The following LRRC3B variants were observed in gnomAD, a reference collection of about 807,000 sequenced individuals.
LRRC3B encodes the protein leucine-rich repeat-containing protein 3B.
LRRC3B carries 2 observed loss-of-function variants against 12.8 expected under a neutral mutation model. That is an observed-to-expected ratio of 0.16 (90% CI 0.06 to 0.49). LRRC3B has a LOEUF of 0.49. Among genes scored for constraint, LRRC3B ranks in the 20% least tolerant of loss-of-function variants. The pLI, the probability that LRRC3B is intolerant of heterozygous loss-of-function variation, is 0.96. For synonymous variants in LRRC3B, 132 were observed against 122.0 expected, an observed-to-expected ratio of 1.08 and a Z score of -0.54; for missense variants, 189 against 319.4, an observed-to-expected ratio of 0.59 and a Z score of 3.11.
intron 1 of LRRC3B, among the ~76,000 whole-genome samples, chr3:26,679,649 T>C (rs1344419976): frequency 6.6e-6 from 1 of 152,220 alleles, no homozygotes; most frequent in Non-Finnish European, 1.5e-5. Context: ...TTCTGCTTTG[T>C]TGTTATTCCG....
chr3:26,708,602 A>G (rs1190545258), intron 1 of LRRC3B, among the ~76,000 whole-genome samples: 1 of 152,118 alleles, frequency 6.6e-6, no homozygotes, highest in Non-Finnish European at 1.5e-5. Flanking sequence ...GGTAATTTTG[A>G]GAGTTAACTT....
chr3:26,672,938 TCTC>T (rs1354964498), intron 1 of LRRC3B, among the ~76,000 whole-genome samples: 21 of 152,306 alleles, frequency 1.4e-4, no homozygotes, highest in Admixed American at 5.2e-4. Flanking sequence ...GAACAGCACT[TCTC>T]CTTCAAAATG....
At chr3:26,648,501 C>G (rs1248608382) in intron 1 of LRRC3B, among the ~76,000 whole-genome samples, 1 of 151,976 alleles carries the variant, frequency 6.6e-6, no homozygotes, top group Admixed American at 6.6e-5. Context: ...AAATCCTGAA[C>G]CTGGTAGAAA....
intron 1 of LRRC3B, among the ~76,000 whole-genome samples, chr3:26,677,711 A>G (rs1699888858): frequency 6.6e-6 from 1 of 152,260 alleles, no homozygotes; most frequent in African/African-American, 2.4e-5. Flanking sequence ...AAACACATGT[A>G]TACATATAAC....
chr3:26,659,619 T>G (rs186413883), intron 1 of LRRC3B, among the ~76,000 whole-genome samples: 72 of 152,338 alleles, frequency 4.7e-4, no homozygotes, highest in African/African-American at 1.7e-3. Flanking sequence ...TAGTCTCTAT[T>G]TCTATATTTT....
At chr3:26,642,059 G>A (rs1434576091) in intron 1 of LRRC3B, among the ~76,000 whole-genome samples, 1 of 152,176 alleles carries the variant, frequency 6.6e-6, no homozygotes, top group African/African-American at 2.4e-5. Flanking sequence ...TTCCTGAGAA[G>A]AGTGGTATTA....
At chr3:26,699,920 G>A (rs1335065461) in intron 1 of LRRC3B, among the ~76,000 whole-genome samples, 1 of 152,128 alleles carries the variant, frequency 6.6e-6, no homozygotes, top group African/African-American at 2.4e-5. Context: ...TCCACAGAGG[G>A]ATAAATGCTG....
intron 1 of LRRC3B, among the ~76,000 whole-genome samples, chr3:26,686,378 C>A (rs1398232431): frequency 6.6e-6 from 1 of 152,130 alleles, no homozygotes; most frequent in Non-Finnish European, 1.5e-5. Flanking sequence ...CGCGCCCGGC[C>A]GGTAAATGGT....
chr3:26,640,963 A>G (rs1032274538), intron 1 of LRRC3B, among the ~76,000 whole-genome samples: 2 of 152,236 alleles, frequency 1.3e-5, no homozygotes, highest in African/African-American at 2.4e-5. Flanking sequence ...TATGAATGAC[A>G]TAGAATAATA....
chr3:26,627,163 A>T (rs1575107329), intron 1 of LRRC3B, among the ~76,000 whole-genome samples: 1 of 152,108 alleles, frequency 6.6e-6, no homozygotes, highest in East Asian at 1.9e-4. Context: ...TCACTTGAGG[A>T]TTTCATATAC....
At chr3:26,659,775 A>G (rs928908339) in intron 1 of LRRC3B, among the ~76,000 whole-genome samples, 1 of 152,362 alleles carries the variant, frequency 6.6e-6, no homozygotes, top group South Asian at 2.1e-4. Flanking sequence ...TGGAAGATCC[A>G]TCAGCTGATT....
intron 1 of LRRC3B, among the ~76,000 whole-genome samples, chr3:26,662,316 G>A (rs996165897): frequency 6.6e-6 from 1 of 152,028 alleles, no homozygotes; most frequent in Non-Finnish European, 1.5e-5. Context: ...AAATATTCTT[G>A]TTTGCTAGGA....
At chr3:26,682,541 G>A (rs1391698763) in intron 1 of LRRC3B, among the ~76,000 whole-genome samples, 1 of 152,074 alleles carries the variant, frequency 6.6e-6, no homozygotes, top group Non-Finnish European at 1.5e-5. Flanking sequence ...CTTTGTTCCT[G>A]GTGGGAAGAT....
chr3:26,630,152 A>G (rs181588616), intron 1 of LRRC3B, among the ~76,000 whole-genome samples: 4 of 152,332 alleles, frequency 2.6e-5, no homozygotes, highest in Admixed American at 2.6e-4. Flanking sequence ...AAGAGGGCTT[A>G]TAAGGAAGAG....
chr3:26,626,057 C>G (rs1698617695), intron 1 of LRRC3B, among the ~76,000 whole-genome samples: 1 of 152,220 alleles, frequency 6.6e-6, no homozygotes, highest in African/African-American at 2.4e-5. Context: ...AGGCCCCTCA[C>G]CCTTTACTCC....
rs578177129 is a variant in LRRC3B at position 26,670,184 on chromosome 3, G to A, written c.-160-39329G>A. On this transcript the variant is annotated intron_variant, in intron 1 of 1. Coordinates refer to ENST00000396641, the Ensembl canonical transcript of LRRC3B. ...GAAGAAATGAGGGTGATTTAGGAAA[G>A]GATGTGCATTTCTTGGTAGATGCTC... Among the ~76,000 whole-genome samples the A allele has an allele frequency of 6.6e-5, 10 of 152,268 alleles. No homozygotes were observed. In the South Asian group the frequency reaches 1.9e-3, roughly 28 times the overall value.
chr3:26,630,280 A>G (rs954844477), intron 1 of LRRC3B, among the ~76,000 whole-genome samples: 2 of 152,164 alleles, frequency 1.3e-5, no homozygotes, highest in Middle Eastern at 3.2e-3. Context: ...GGCTTTATCA[A>G]TCTCCAGGCC....
rs1553601398 is a variant in LRRC3B at position 26,636,950 on chromosome 3, CTT to C, written c.-161+13715_-161+13716del. Among the ~76,000 whole-genome samples the C allele has an allele frequency of 1.3e-4, 16 of 122,942 alleles. No homozygotes were observed. The East Asian group carries it at 3.5e-3, about 27-fold the overall frequency. 80.7% of individuals were successfully genotyped at this position (122,942 alleles called of 152,430 possible). A position where few individuals can be genotyped will look rare whatever the true frequency, so the allele number is the denominator to read the frequency against. Reference sequence around the variant, plus strand: ...TCTTTCTTTCTTTCTTTCTTTCTTTCTTTCTTTCTTTCTTTCTTTCTTTCTCT... The same window carrying C: ...TCTTTCTTTCTTTCTTTCTTTCTTTCTCTTTCTTTCTTTCTTTCTTTCTCT... On this transcript the variant is annotated intron_variant, in intron 1 of 1. Transcript: ENST00000396641.
chr3:26,666,369 A>T (rs1699603467), intron 1 of LRRC3B, among the ~76,000 whole-genome samples: 1 of 152,090 alleles, frequency 6.6e-6, no homozygotes, highest in Non-Finnish European at 1.5e-5. Flanking sequence ...AAGACAGAAG[A>T]AGTACATGTG....
Sources: allele counts gnomAD v4.1 joint callset (sites outside exome capture counted in the v4.1 genomes callset), GRCh38; gene constraint gnomAD v4.1.1; transcripts MANE v1.5; gene names NCBI Gene and HGNC (gene_info 2026-07-23, HGNC 2026-07-21).